The following EVI5 variants were observed in gnomAD, a reference collection of about 807,000 sequenced individuals.
The protein encoded by EVI5 is ecotropic viral integration site 5.
EVI5 carries 73 observed loss-of-function variants against 112.0 expected under a neutral mutation model. That is an observed-to-expected ratio of 0.65 (90% CI 0.54 to 0.79). The LOEUF (loss-of-function observed/expected upper bound fraction) is 0.79, where lower values mean the gene tolerates loss of function less well. EVI5 is among the 30% of genes least tolerant of loss of function. The pLI is 0.00. For missense variants in EVI5, 900 were observed against 968.8 expected (o/e 0.93, Z 0.94); for synonymous variants, 305 against 319.9 (o/e 0.95, Z 0.50).
At chr1:92,629,107 T>C (rs1364812052) in intron 14 of EVI5, among the ~76,000 whole-genome samples, 1 of 152,224 alleles carries the variant, frequency 6.6e-6, no homozygotes, top group East Asian at 1.9e-4. Context: ...CTCTAAATCA[T>C]GTAACCCAGA....
chr1:92,650,609 TAC>T (rs1260375192), intron 13 of EVI5, among the ~76,000 whole-genome samples: 2 of 152,050 alleles, frequency 1.3e-5, no homozygotes, highest in Non-Finnish European at 2.9e-5. Flanking sequence ...ATATTTAAAA[TAC>T]ATTTAATATA....
chr1:92,516,116 C>T lies in EVI5; in HGVS notation c.2167-2146G>A, dbSNP rs968361359. On this transcript the variant is annotated intron_variant, in intron 19 of 19. Transcript: ENST00000684568. ...GCCACGTTCTGATGCAACATCCTAT[C>T]GCAATATTGCAACACACAATTTATA... 3.9e-5 allele frequency among the ~76,000 whole-genome samples: 6 copies of T among 152,190 alleles called. No individual in the cohort carries two copies. In the South Asian group the frequency reaches 8.3e-4, roughly 21 times the overall value.
intron 10 of EVI5, among the ~76,000 whole-genome samples, chr1:92,673,368 C>A (rs1417490490): frequency 1.3e-5 from 2 of 152,042 alleles, no homozygotes; most frequent in Non-Finnish European, 2.9e-5. Flanking sequence ...TAGATCTCTG[C>A]GTCCCGAAGC....
intron 13 of EVI5, among the ~76,000 whole-genome samples, chr1:92,651,867 G>A (rs7545058): frequency 0.3 from 18,144 of 60,638 alleles, 3,172 homozygotes; most frequent in African/African-American, 0.58. Flanking sequence ...AAAAAAAAAA[G>A]AAAGAAATTG....
rs1553176217 is a variant in EVI5 at position 92,545,427 on chromosome 1, AAG to A, written c.2166+18213_2166+18214del. Among the ~76,000 whole-genome samples the A allele has an allele frequency of 2.0e-5, 3 of 151,496 alleles. No individual in the cohort carries two copies. The South Asian group carries it at 6.3e-4, about 32-fold the overall frequency. On this transcript the variant is annotated intron_variant, in intron 19 of 19. Coordinates refer to ENST00000684568, the MANE Select transcript of EVI5 (RefSeq NM_001350197.2). The stretch of plus-strand genomic sequence containing the variant: ...AACTACTTGATGTAAAAAAAAAAAA[AAG>A]GTTTTTAAAGTGAATTACTATATTT...
intron 19 of EVI5, among the ~76,000 whole-genome samples, chr1:92,553,464 G>A (rs951091678): frequency 1.8e-4 from 27 of 150,586 alleles, no homozygotes; most frequent in Admixed American, 1.3e-3. Context: ...CACCACGCCC[G>A]GCTAATTTTT....
At chr1:92,622,667 C>T (rs780015303) in intron 16 of EVI5, among the ~76,000 whole-genome samples, 1 of 152,148 alleles carries the variant, frequency 6.6e-6, no homozygotes, top group Non-Finnish European at 1.5e-5. Context: ...ATTTATTTTT[C>T]ATTTATCAAT....
At chr1:92,534,914 T>C (rs1019221585) in intron 19 of EVI5, among the ~76,000 whole-genome samples, 1 of 152,066 alleles carries the variant, frequency 6.6e-6, no homozygotes, top group Non-Finnish European at 1.5e-5. Flanking sequence ...AAAGCCAAAA[T>C]AGACAAATGG....
At chr1:92,736,298 A>G (rs1430749181) in intron 2 of EVI5, 100 bp downstream of exon 2, 3 of 750,446 alleles carry the variant, frequency 4.0e-6, no homozygotes, top group Non-Finnish European at 6.6e-6. Context: ...ACTTTGATAA[A>G]TAAGAAACCA....
chr1:92,740,698 G>A (rs1678233208), intron 1 of EVI5, among the ~76,000 whole-genome samples: 1 of 152,180 alleles, frequency 6.6e-6, no homozygotes, highest in South Asian at 2.1e-4. Context: ...AATATTTACT[G>A]AGTATTCTGT....
At chr1:92,519,746 A>AT (rs1660560667) in intron 19 of EVI5, among the ~76,000 whole-genome samples, 1 of 151,760 alleles carries the variant, frequency 6.6e-6, no homozygotes, top group Non-Finnish European at 1.5e-5. Flanking sequence ...AAATACAAAA[A>AT]TTAGTTGGGT....
intron 19 of EVI5, among the ~76,000 whole-genome samples, chr1:92,536,990 T>G (rs1419748802): frequency 2.0e-5 from 3 of 152,132 alleles, no homozygotes; most frequent in Non-Finnish European, 4.4e-5. Context: ...GCATATTATT[T>G]CAACTTAAAA....
At position 92,694,189 on chromosome 1, in the gene EVI5, T is replaced by C. The variant is rs1321266304; in HGVS notation, c.999+110A>G. 4 of 655,536 alleles carry C rather than the reference T, an allele frequency of 6.1e-6. No homozygotes were observed. In the Admixed American group the frequency reaches 1.1e-4, roughly 19 times the overall value. The allele number at this position is 655,536 out of a possible 1,614,324, so 40.6% of individuals were successfully genotyped here. On this transcript the variant is annotated intron_variant, in intron 8 of 19. Coordinates refer to ENST00000684568, the MANE Select transcript of EVI5 (RefSeq NM_001350197.2). ...AAGCGGTAGGAGGATCACTTGAACC[T>C]GGGAGGCAGAGGTTGCAGTGAGCCA...
chr1:92,698,603 G>A (rs1416120427), intron 5 of EVI5, among the ~76,000 whole-genome samples: 2 of 152,152 alleles, frequency 1.3e-5, no homozygotes, highest in African/African-American at 4.8e-5. Context: ...ACAGCAAATA[G>A]AGAACTACTA....
intron 1 of EVI5, among the ~76,000 whole-genome samples, chr1:92,738,520 T>G (rs1027815751): frequency 6.6e-6 from 1 of 152,198 alleles, no homozygotes; most frequent in Non-Finnish European, 1.5e-5. Flanking sequence ...AAAAGACACC[T>G]ATTAATTGCT....
At chr1:92,787,479 C>G (rs1685721623), upstream of EVI5, among the ~76,000 whole-genome samples, 1 of 152,132 alleles carries the variant, frequency 6.6e-6, no homozygotes, top group African/African-American at 2.4e-5. Context: ...CGCCTATAAT[C>G]TAAACACTTT....
At chr1:92,653,754 A>C (rs1036505225) in intron 13 of EVI5, among the ~76,000 whole-genome samples, 8 of 152,238 alleles carry the variant, frequency 5.3e-5, no homozygotes, top group African/African-American at 1.9e-4. Context: ...AGAGCCAAAA[A>C]GCTGTGTGTT....
intron 1 of EVI5, among the ~76,000 whole-genome samples, chr1:92,767,877 C>T (rs781427202): frequency 6.6e-6 from 1 of 152,052 alleles, no homozygotes; most frequent in Non-Finnish European, 1.5e-5. Flanking sequence ...GCCAGGAGTT[C>T]GAGACCAGCC....
At chr1:92,715,044 C>T (rs892775415) in intron 2 of EVI5, among the ~76,000 whole-genome samples, 2 of 151,632 alleles carry the variant, frequency 1.3e-5, no homozygotes, top group South Asian at 2.1e-4. Context: ...CTCACTCTGT[C>T]ACCCACGATG....
Sources: allele counts gnomAD v4.1 joint callset (sites outside exome capture counted in the v4.1 genomes callset), GRCh38; gene constraint gnomAD v4.1.1; transcripts MANE v1.5; gene names NCBI Gene and HGNC (gene_info 2026-07-23, HGNC 2026-07-21).